PPP1R7: variants seen among roughly 807,000 people sequenced by gnomAD.
The protein encoded by PPP1R7 is protein phosphatase 1 regulatory subunit 22.
PPP1R7 carries 18 observed loss-of-function variants against 45.2 expected under a neutral mutation model. The ratio of observed to expected loss-of-function variants is 0.40; its 90% CI spans 0.28 to 0.59. PPP1R7 has a LOEUF of 0.59. Ranked by LOEUF, PPP1R7 falls within the 20% of genes least tolerant of loss-of-function variation. The pLI is 0.46. For missense variants in PPP1R7, 314 were observed against 455.8 expected (o/e 0.69, Z 2.83); for synonymous variants, 181 against 183.4 (o/e 0.99, Z 0.11).
intron 7 of PPP1R7, among the ~76,000 whole-genome samples, chr2:241,165,115 A>G (rs1319112241): frequency 1.3e-5 from 2 of 152,238 alleles, no homozygotes; most frequent in Non-Finnish European, 2.9e-5. Flanking sequence ...ACACTTTAAA[A>G]TTATTAAATC....
chr2:241,151,815 C>G (rs1289325650), intron 1 of PPP1R7, among the ~76,000 whole-genome samples: 1 of 152,196 alleles, frequency 6.6e-6, no homozygotes, highest in Non-Finnish European at 1.5e-5. Context: ...GATACGTCCT[C>G]CATTCCCATT....
intron 8 of PPP1R7, among the ~76,000 whole-genome samples, chr2:241,166,856 C>T (rs1367733138): frequency 6.6e-6 from 1 of 152,238 alleles, no homozygotes. Context: ...ACTGACCTGT[C>T]CATGGGTCCA....
In PPP1R7 at chr2:241,176,809, ATCTG is replaced by A. The variant is rs1199792797; in HGVS notation, c.907-5835_907-5832del. Among the ~76,000 whole-genome samples, 4 of 152,246 alleles carry A rather than the reference ATCTG, an allele frequency of 2.6e-5. No homozygotes were observed. In the East Asian group the frequency reaches 7.7e-4, roughly 29 times the overall value. On this transcript the variant is annotated intron_variant, in intron 9 of 9. Transcript: ENST00000234038. Reference sequence around the variant, plus strand: ...TACTAAAACAGTGAGATACAGTGTTATCTGTCAGGTTGGTGAAGACTCATAGAAT... The same window carrying A: ...TACTAAAACAGTGAGATACAGTGTTATCAGGTTGGTGAAGACTCATAGAAT...
At chr2:241,157,510 C>T (rs1260622063) in intron 2 of PPP1R7, among the ~76,000 whole-genome samples, 1 of 152,270 alleles carries the variant, frequency 6.6e-6, no homozygotes, top group Non-Finnish European at 1.5e-5. Context: ...TTCCCACTAA[C>T]AGGTTCAAAA....
chr2:241,172,898 TC>T (rs958453456), intron 9 of PPP1R7, among the ~76,000 whole-genome samples: 1 of 151,980 alleles, frequency 6.6e-6, no homozygotes, highest in African/African-American at 2.4e-5. Context: ...GATTTTTTTT[TC>T]CTTTTTAAGT....
rs148157599 is a variant in PPP1R7 at position 241,169,049 on chromosome 2, C to T, written c.820-732C>T. Among the ~76,000 whole-genome samples, 43 of 152,254 alleles carry T rather than the reference C, an allele frequency of 2.8e-4. No homozygotes were observed. The East Asian group carries it at 7.5e-3, about 27-fold the overall frequency. Reference sequence around the variant, plus strand: ...ATGAGAAACAAAATTATTACTCAGGCTTAGCTAACATGTATTGGAAAGTGA... The same window carrying T: ...ATGAGAAACAAAATTATTACTCAGGTTTAGCTAACATGTATTGGAAAGTGA... On this transcript the variant is annotated intron_variant, in intron 8 of 9. Coordinates refer to ENST00000234038, the MANE Select transcript of PPP1R7 (RefSeq NM_002712.3).
At chr2:241,150,674 A>T (rs2067249556) in intron 1 of PPP1R7, 127 bp downstream of exon 1, 1 of 1,297,572 alleles carries the variant, frequency 7.7e-7, no homozygotes. Context: ...GCCCCCTGAC[A>T]GCTGACAGCC....
In PPP1R7 at chr2:241,166,905, A is replaced by G. The variant is rs2067725357; in HGVS notation, c.819+464A>G. ...CTACTTCCCAGCCCACAGAGAGCAC[A>G]GGACCAGCTCTCAGTCCCAGCCCCT... On this transcript the variant is annotated intron_variant, in intron 8 of 9. Coordinates refer to ENST00000234038, the MANE Select transcript of PPP1R7 (RefSeq NM_002712.3). The G allele has an allele frequency of 4.2e-6, 3 of 707,170 alleles. No homozygotes were observed. In the South Asian group the frequency reaches 5.7e-5, roughly 14 times the overall value. 43.8% of individuals were successfully genotyped at this position (707,170 alleles called of 1,614,324 possible).
In PPP1R7 at chr2:241,152,140, C is replaced by T. The variant is rs766917221; in HGVS notation, c.53-1336C>T. Among the ~76,000 whole-genome samples, 9 of 152,238 alleles carry T rather than the reference C, an allele frequency of 5.9e-5. No individual in the cohort carries two copies. In the South Asian group the frequency reaches 8.3e-4, roughly 14 times the overall value. On this transcript the variant is annotated intron_variant, in intron 1 of 9. Coordinates refer to ENST00000234038, the MANE Select transcript of PPP1R7 (RefSeq NM_002712.3). ...TGACTAATTTGTTATATATCTACTGCATGTCATGCACGTGCTAACTGCTCT... is the reference window on the plus strand; with the variant it reads ...TGACTAATTTGTTATATATCTACTGTATGTCATGCACGTGCTAACTGCTCT...
Position 241,163,411 on chromosome 2 carries a change from T to A in PPP1R7, c.714+10T>A. The A allele has an allele frequency of 1.3e-6, 2 of 1,584,758 alleles. No individual in the cohort carries two copies. Among genetic ancestry groups the A allele is most frequent in the Non-Finnish European group, 8.7e-7 (1 of 1,153,616 alleles). ...AGTCCTCAGTATGCAGGTACGGAGCTTCCTGAGCCGCCCTTCCCTGCGAGC... is the reference window on the plus strand; with the variant it reads ...AGTCCTCAGTATGCAGGTACGGAGCATCCTGAGCCGCCCTTCCCTGCGAGC... On this transcript the variant is annotated intron_variant, in intron 7 of 9. Transcript: ENST00000234038.
intron 8 of PPP1R7, among the ~76,000 whole-genome samples, chr2:241,168,438 G>C (rs6721380): frequency 0.27 from 41,634 of 152,114 alleles, 6,887 homozygotes; most frequent in Middle Eastern, 0.45. Context: ...GAGTGCGGGG[G>C]AGAGCTGCCG....
intron 4 of PPP1R7, 192 bp from the exon 5 acceptor site, chr2:241,159,021 G>A: frequency 1.6e-6 from 1 of 638,844 alleles, no homozygotes. Flanking sequence ...TTCCTCAGGT[G>A]TGTTAAGGAA....
intron 6 of PPP1R7, among the ~76,000 whole-genome samples, chr2:241,162,362 C>T (rs1307879867): frequency 6.6e-6 from 1 of 152,164 alleles, no homozygotes; most frequent in Non-Finnish European, 1.5e-5. Context: ...ATGACTTGTT[C>T]TGAGAGAGAG....
chr2:241,150,640 C>A, intron 1 of PPP1R7, 93 bp downstream of exon 1: 1 of 1,368,346 alleles, frequency 7.3e-7, no homozygotes, highest in Non-Finnish European at 9.5e-7. Flanking sequence ...AACTCCACGT[C>A]CTGCCTCTGG....
chr2:241,150,442 G>A (rs1339104847), upstream of PPP1R7: 1 of 1,498,170 alleles, frequency 6.7e-7, no homozygotes, highest in Admixed American at 2.2e-5. Context: ...CGGGAGCCCT[G>A]ATTGGCTGAG....
upstream of PPP1R7, chr2:241,150,460 A>G (rs766144136): frequency 3.4e-6 from 5 of 1,479,418 alleles, no homozygotes; most frequent in East Asian, 1.2e-4. Flanking sequence ...GAGGGGTCTG[A>G]GGCGACAGAT....
At chr2:241,156,516 G>A (rs1468764361) in intron 2 of PPP1R7, among the ~76,000 whole-genome samples, 1 of 152,024 alleles carries the variant, frequency 6.6e-6, no homozygotes, top group Non-Finnish European at 1.5e-5. Context: ...ACAAAACATG[G>A]TTTTAAAAAA....
At chr2:241,176,379 C>G (rs540560208) in intron 9 of PPP1R7, among the ~76,000 whole-genome samples, 9 of 152,308 alleles carry the variant, frequency 5.9e-5, no homozygotes, top group Admixed American at 1.3e-4. Flanking sequence ...CACTTGAAAA[C>G]TAGGGTGTTC....
Position 241,183,406 on chromosome 2 carries a change from G to A in PPP1R7, c.*583G>A, listed in dbSNP as rs1378312476. The A allele has an allele frequency of 2.1e-6, 1 of 471,202 alleles. No individual in the cohort carries two copies. The highest frequency in any genetic ancestry group is 1.5e-5 in the South Asian group (1 of 64,572). The allele number at this position is 471,202 out of a possible 1,614,324, so 29.2% of individuals were successfully genotyped here. A position where few individuals can be genotyped will look rare whatever the true frequency, so the allele number is the denominator to read the frequency against. On this transcript the variant is annotated 3_prime_UTR_variant, in exon 10 of 10. Transcript: ENST00000234038. ...CTCTCCTTCAAAGAGCGCCGGGCAGGGCTGACTGTTTTCACGTGTGCCCGT... is the reference window on the plus strand; with the variant it reads ...CTCTCCTTCAAAGAGCGCCGGGCAGAGCTGACTGTTTTCACGTGTGCCCGT...
Sources: gnomAD v4.1 joint callset for allele counts (sites outside exome capture counted in the v4.1 genomes callset) on GRCh38, gnomAD v4.1.1 for gene constraint, MANE v1.5 for transcripts, NCBI Gene and HGNC (gene_info 2026-07-23, HGNC 2026-07-21) for gene names.